FSTL1: variants seen among roughly 807,000 people sequenced by gnomAD.
FSTL1 encodes the protein follistatin-related protein 1.
FSTL1 carries 24 observed loss-of-function variants against 45.9 expected under a neutral mutation model. The ratio of observed to expected loss-of-function variants is 0.52; its 90% CI spans 0.38 to 0.74. The LOEUF is 0.74. FSTL1 is among the 30% of genes least tolerant of loss of function. FSTL1 has a pLI of 0.00. For synonymous variants in FSTL1, 120 were observed against 137.6 expected, an observed-to-expected ratio of 0.87 and a Z score of 0.89; for missense variants, 340 against 381.8, an observed-to-expected ratio of 0.89 and a Z score of 0.91.
At chr3:120,429,228 A>G (rs1268672455) in intron 2 of FSTL1, among the ~76,000 whole-genome samples, 1 of 152,232 alleles carries the variant, frequency 6.6e-6, no homozygotes, top group African/African-American at 2.4e-5. Context: ...ATCCAAAGGA[A>G]GGAATGAGGA....
intron 2 of FSTL1, among the ~76,000 whole-genome samples, chr3:120,428,791 C>T (rs182597463): frequency 7.7e-4 from 117 of 152,138 alleles, no homozygotes; most frequent in African/African-American, 2.8e-3. Context: ...GGGACAAAGT[C>T]CTGGGAATCT....
intron 2 of FSTL1, chr3:120,423,643 C>G (rs1330580734): frequency 6.6e-6 from 1 of 152,082 alleles, no homozygotes; most frequent in Non-Finnish European, 1.5e-5. Context: ...TCCACAGTGA[C>G]GAGTTGGAGA....
chr3:120,449,068 G>A (rs543126263), intron 2 of FSTL1, among the ~76,000 whole-genome samples: 12 of 152,344 alleles, frequency 7.9e-5, no homozygotes, highest in Non-Finnish European at 1.8e-4. Flanking sequence ...ACATCAGCCA[G>A]TGAAGGGGGA....
Position 120,410,959 on chromosome 3 carries a change from G to C in FSTL1, c.324C>G (p.Ala108=). 6.2e-7 allele frequency: 1 copy of C among 1,610,934 alleles called. No individual in the cohort carries two copies. Among genetic ancestry groups the C allele is most frequent in the Non-Finnish European group, 8.5e-7 (1 of 1,177,142 alleles). The change falls in exon 5 of 11, where the codon GCC becomes GCG. Residue 108 remains alanine, a synonymous_variant. Transcript: ENST00000295633. ...CKEKKSVSPS[A]SPVVCYQSNR... is the part of the protein sequence containing the mutation. Reference sequence around the variant, plus strand: ...GAAAAAATAGGCACTCACCTGGGCTGGCAGATGGACTTACGGATTTCTTCT... The same window carrying C: ...GAAAAAATAGGCACTCACCTGGGCTCGCAGATGGACTTACGGATTTCTTCT...
intron 2 of FSTL1, among the ~76,000 whole-genome samples, chr3:120,442,797 A>G (rs1937651143): frequency 1.3e-5 from 2 of 148,634 alleles, no homozygotes; most frequent in South Asian, 4.2e-4. Context: ...AGAAAAAAAA[A>G]AAAAAAAAAA....
chr3:120,404,775 G>A (rs950294859), intron 7 of FSTL1, 78 bp downstream of exon 7: 2 of 790,244 alleles, frequency 2.5e-6, no homozygotes, highest in Non-Finnish European at 2.3e-6. Context: ...CTCTTTTGCA[G>A]GTGGGAAAGG....
chr3:120,436,203 G>A (rs1937555801), intron 2 of FSTL1, among the ~76,000 whole-genome samples: 1 of 152,206 alleles, frequency 6.6e-6, no homozygotes, highest in Non-Finnish European at 1.5e-5. Context: ...TCTGTAAGAG[G>A]AAGCGGTTAA....
chr3:120,439,766 T>C (rs907022605), intron 2 of FSTL1, among the ~76,000 whole-genome samples: 2 of 152,236 alleles, frequency 1.3e-5, no homozygotes, highest in East Asian at 3.8e-4. Context: ...CATTTGGCCT[T>C]ATTTAATGCG....
At chr3:120,407,995 C>A (rs1032486524) in intron 6 of FSTL1, among the ~76,000 whole-genome samples, 3 of 152,158 alleles carry the variant, frequency 2.0e-5, no homozygotes, top group African/African-American at 7.2e-5. Flanking sequence ...ATGCCTGAGG[C>A]AGAGTGCCAT....
chr3:120,397,660 T>C (rs779579394), intron 10 of FSTL1, among the ~76,000 whole-genome samples: 2 of 152,200 alleles, frequency 1.3e-5, no homozygotes, highest in South Asian at 2.1e-4. Flanking sequence ...ATGGTGAAGA[T>C]GTACAGTGGT....
chr3:120,402,125 T>C (rs534221660), intron 9 of FSTL1, among the ~76,000 whole-genome samples: 6 of 152,286 alleles, frequency 3.9e-5, no homozygotes, highest in South Asian at 2.1e-4. Flanking sequence ...CCACAAACTC[T>C]CAGATTTCTC....
At chr3:120,446,745 TA>T (rs2107674441) in intron 2 of FSTL1, among the ~76,000 whole-genome samples, 1 of 152,300 alleles carries the variant, frequency 6.6e-6, no homozygotes, top group East Asian at 1.9e-4. Flanking sequence ...ACCCCTAGTG[TA>T]CAATGCCGAT....
At chr3:120,405,288 A>C (rs1238843153) in intron 6 of FSTL1, among the ~76,000 whole-genome samples, 1 of 152,226 alleles carries the variant, frequency 6.6e-6, no homozygotes. Flanking sequence ...CTTTGGGTTC[A>C]GACCAACCTG....
In FSTL1 at chr3:120,410,960, G is replaced by C. The variant is rs556832694; in HGVS notation, c.323C>G (p.Ala108Gly). 3.7e-6 allele frequency: 6 copies of C among 1,610,754 alleles called. No homozygotes were observed. The highest frequency in any genetic ancestry group is 5.1e-6 in the Non-Finnish European group (6 of 1,176,950). Residue 108 changes from alanine (A) to glycine (G), a missense_variant, in exon 5 of 11, where the codon GCC (alanine) becomes GGC (glycine). Ala to Gly is a moderately conservative substitution (Grantham distance 60). Coordinates refer to ENST00000295633, the MANE Select transcript of FSTL1 (RefSeq NM_007085.5). Reference sequence around the variant, plus strand: ...AAAAAATAGGCACTCACCTGGGCTGGCAGATGGACTTACGGATTTCTTCTC... The same window carrying C: ...AAAAAATAGGCACTCACCTGGGCTGCCAGATGGACTTACGGATTTCTTCTC... ...CKEKKSVSPS[A>G]SPVVCYQSNR... is the part of the protein sequence containing the mutation.
At position 120,399,943 on chromosome 3, in the gene FSTL1, C is replaced by G. The variant is rs1458676969; in HGVS notation, c.822G>C (p.Gly274=). Residue 274 remains glycine (G), a synonymous_variant, in exon 10 of 11, where the codon GGG becomes GGC. Transcript: ENST00000295633. ...AMTCDGKNQK[G]AQTQTEEEMT... is the part of the protein sequence containing the mutation. The stretch of plus-strand genomic sequence containing the variant: ...TCTCCTCCTCTGTCTGGGTCTGGGC[C>G]CCCTTCTGATTCTTTCCTGCAAGAA... The G allele has an allele frequency of 6.2e-7, 1 of 1,608,220 alleles. No individual in the cohort carries two copies. Among genetic ancestry groups the G allele is most frequent in the Non-Finnish European group, 8.5e-7 (1 of 1,177,028 alleles).
At position 120,393,427 on chromosome 3, in the gene FSTL1, T is replaced by C. The variant is rs1446874854; in HGVS notation, c.*3525A>G. On this transcript the variant is annotated 3_prime_UTR_variant, in exon 11 of 11. Coordinates refer to ENST00000295633, the MANE Select transcript of FSTL1 (RefSeq NM_007085.5). ...GTCATGTGTCCCCAAGCAAAAGAGG[T>C]TTTAACCAGCTAACGTTCAGCCCAC... The C allele has an allele frequency of 6.6e-6, 1 of 151,042 alleles. No individual in the cohort carries two copies. The highest frequency in any genetic ancestry group is 1.5e-5 in the Non-Finnish European group (1 of 67,752). The allele number at this position is 151,042 out of a possible 1,614,324, so 9.4% of individuals were successfully genotyped here.
chr3:120,431,156 G>T (rs1937471175), intron 2 of FSTL1, among the ~76,000 whole-genome samples: 1 of 152,086 alleles, frequency 6.6e-6, no homozygotes. Context: ...GTTTTTAGTA[G>T]AGACAGGGTT....
At chr3:120,409,510 C>G in intron 6 of FSTL1, 22 bp downstream of exon 6, 1 of 1,611,724 alleles carries the variant, frequency 6.2e-7, no homozygotes. Context: ...CCTGAATAGT[C>G]TTCCTCCTAC....
intron 9 of FSTL1, among the ~76,000 whole-genome samples, chr3:120,402,508 C>A (rs1033861192): frequency 2.6e-5 from 4 of 151,780 alleles, no homozygotes. Context: ...ATTATTACTA[C>A]TTTCACTGTT....
Sources: gnomAD v4.1 joint callset for allele counts (sites outside exome capture counted in the v4.1 genomes callset) on GRCh38, gnomAD v4.1.1 for gene constraint, MANE v1.5 for transcripts, NCBI Gene and HGNC (gene_info 2026-07-23, HGNC 2026-07-21) for gene names.